Variants in CHPT1 observed in about 807,000 individuals in gnomAD.
CHPT1 encodes cholinephosphotransferase 1.
Under a neutral mutation model 47.6 loss-of-function variants are expected in CHPT1, and 36 were observed. The ratio of observed to expected loss-of-function variants is 0.76; its 90% confidence interval spans 0.58 to 1.00. CHPT1 has a LOEUF of 1.00. CHPT1 is among the 50% of genes least tolerant of loss of function. The probability of loss-of-function intolerance (pLI) is 0.00; values close to 1 mark genes in which losing one functional copy is unlikely to be tolerated. For synonymous variants in CHPT1, 194 were observed against 186.3 expected (o/e 1.04, Z -0.33); for missense variants, 458 against 498.1 (o/e 0.92, Z 0.77).
At chr12:101,715,809 G>A (rs908465602) in intron 3 of CHPT1, among the ~76,000 whole-genome samples, 15 of 152,258 alleles carry the variant, frequency 9.9e-5, no homozygotes, top group South Asian at 4.1e-4. Context: ...AGGAAGGAGC[G>A]TGAGAAGAGC....
intron 1 of CHPT1, among the ~76,000 whole-genome samples, chr12:101,708,700 A>G (rs1377745007): frequency 8.0e-6 from 1 of 124,336 alleles, no homozygotes; most frequent in Non-Finnish European, 1.9e-5. Context: ...GGGTTCAAGC[A>G]ATTCTCGTGC....
intron 2 of CHPT1, 66 bp from the exon 3 acceptor site, chr12:101,714,438 G>A: frequency 7.2e-7 from 1 of 1,382,552 alleles, no homozygotes; most frequent in Non-Finnish European, 9.8e-7. Context: ...TTTCTAAACA[G>A]CATAGGGCAA....
At chr12:101,710,887 A>G (rs1457611027) in intron 1 of CHPT1, among the ~76,000 whole-genome samples, 3 of 148,782 alleles carry the variant, frequency 2.0e-5, no homozygotes, top group Non-Finnish European at 3.0e-5. Flanking sequence ...AATAACTTCA[A>G]TGTCCAATTT....
At chr12:101,720,889 A>G (rs139613054) in intron 5 of CHPT1, among the ~76,000 whole-genome samples, 1 of 152,328 alleles carries the variant, frequency 6.6e-6, no homozygotes, top group Non-Finnish European at 1.5e-5. Flanking sequence ...TATAACACCT[A>G]TGTTTTTAAA....
At chr12:101,712,962 A>C (rs995101640) in intron 1 of CHPT1, among the ~76,000 whole-genome samples, 3 of 148,602 alleles carry the variant, frequency 2.0e-5, no homozygotes, top group Non-Finnish European at 3.0e-5. Context: ...ACTGAATGCC[A>C]AACCTTGTGA....
At chr12:101,727,506 AAAAAGG>A (rs1465670927) in intron 8 of CHPT1, 3 of 152,070 alleles carry the variant, frequency 2.0e-5, no homozygotes, top group Admixed American at 6.6e-5. Context: ...CAAAAAAAAA[AAAAAGG>A]AGTAATTTGT....
At chr12:101,714,388 CTTTAT>C in intron 2 of CHPT1, 111 bp from the exon 3 acceptor site, 1 of 1,174,110 alleles carries the variant, frequency 8.5e-7, no homozygotes, top group Non-Finnish European at 1.2e-6. Flanking sequence ...GATAAGTGTA[CTTTAT>C]TTTAATGCCA....
intron 1 of CHPT1, 60 bp from the exon 2 acceptor site, chr12:101,714,030 G>A (rs1470987719): frequency 8.6e-7 from 1 of 1,167,112 alleles, no homozygotes; most frequent in African/African-American, 1.5e-5. Context: ...CTTAGGTTGA[G>A]CTATTTTCAG....
intron 8 of CHPT1, 102 bp from the exon 9 acceptor site, chr12:101,728,799 T>TA (rs1156349103): frequency 2.2e-6 from 3 of 1,380,568 alleles, no homozygotes; most frequent in Non-Finnish European, 3.0e-6. Flanking sequence ...AGGGAGGTCT[T>TA]ACAATGAAAC....
At chr12:101,703,153 G>A (rs1248126104) in intron 1 of CHPT1, among the ~76,000 whole-genome samples, 1 of 152,174 alleles carries the variant, frequency 6.6e-6, no homozygotes, top group Non-Finnish European at 1.5e-5. Context: ...GGGGTAGAAG[G>A]CTACAACCAG....
intron 5 of CHPT1, among the ~76,000 whole-genome samples, chr12:101,722,542 G>A (rs1047725981): frequency 2.6e-5 from 4 of 151,696 alleles, no homozygotes; most frequent in African/African-American, 9.7e-5. Context: ...AAGGAGGTGG[G>A]GATGTTGGTG....
intron 1 of CHPT1, among the ~76,000 whole-genome samples, chr12:101,699,193 T>C (rs529630494): frequency 6.6e-6 from 1 of 152,046 alleles, no homozygotes; most frequent in Admixed American, 6.6e-5. Flanking sequence ...GTTCAAGCGA[T>C]TCTTCTGCCT....
At chr12:101,707,789 C>T (rs886094814) in intron 1 of CHPT1, among the ~76,000 whole-genome samples, 3 of 152,140 alleles carry the variant, frequency 2.0e-5, no homozygotes, top group Admixed American at 6.5e-5. Flanking sequence ...TGCTGTTTCT[C>T]AGTGAGTTAC....
Position 101,698,606 on chromosome 12 carries a change from T to A in CHPT1, c.273+472T>A, listed in dbSNP as rs543784102. 2.0e-5 allele frequency among the ~76,000 whole-genome samples: 3 copies of A among 152,358 alleles called. No individual in the cohort carries two copies. The South Asian group carries it at 6.2e-4, about 32-fold the overall frequency. ...ACCGTTCGTTTCTGGAAGGTTGAGC[T>A]AGTGATCTTGAAATGACCGGTAGCA... is the stretch of plus-strand genomic sequence containing the variant. On this transcript the variant is annotated intron_variant, in intron 1 of 8. Coordinates refer to ENST00000229266, the MANE Select transcript of CHPT1 (RefSeq NM_020244.3).
At chr12:101,707,353 T>C (rs537076641) in intron 1 of CHPT1, among the ~76,000 whole-genome samples, 31 of 152,322 alleles carry the variant, frequency 2.0e-4, no homozygotes, top group Admixed American at 1.9e-3. Flanking sequence ...GAGACTCTTA[T>C]CAGTGAGTAA....
chr12:101,699,894 C>T (rs1048217117), intron 1 of CHPT1, among the ~76,000 whole-genome samples: 1 of 152,176 alleles, frequency 6.6e-6, no homozygotes, highest in Non-Finnish European at 1.5e-5. Flanking sequence ...CACCACAGAC[C>T]TGCTGGGTCT....
chr12:101,712,920 C>T (rs1951715807), intron 1 of CHPT1, among the ~76,000 whole-genome samples: 1 of 148,458 alleles, frequency 6.7e-6, no homozygotes, highest in Non-Finnish European at 1.5e-5. Flanking sequence ...CAATTATATT[C>T]TCCTGCTTCT....
chr12:101,722,491 A>G (rs539961562), intron 5 of CHPT1, among the ~76,000 whole-genome samples: 4 of 152,204 alleles, frequency 2.6e-5, no homozygotes, highest in South Asian at 2.1e-4. Context: ...GGATTTTACA[A>G]TTTTACATAA....
At chr12:101,714,450 T>C in intron 2 of CHPT1, 54 bp from the exon 3 acceptor site, 1 of 1,463,930 alleles carries the variant, frequency 6.8e-7, no homozygotes, top group Non-Finnish European at 9.2e-7. Flanking sequence ...ATAGGGCAAT[T>C]ATTTCATAAA....
Sources: gnomAD v4.1 joint callset for allele counts (sites outside exome capture counted in the v4.1 genomes callset) on GRCh38, gnomAD v4.1.1 for gene constraint, MANE v1.5 for transcripts, NCBI Gene and HGNC (gene_info 2026-07-23, HGNC 2026-07-21) for gene names.